TAFA5: variants seen among roughly 807,000 people sequenced by gnomAD.
TAFA5 encodes TAFA chemokine like family member 5, also known as chemokine-like protein TAFA-5.
Under a neutral mutation model 15.3 loss-of-function variants are expected in TAFA5, and 6 were observed. The observed-to-expected ratio is 0.39, with a 90% CI of 0.21 to 0.77. The LOEUF (loss-of-function observed/expected upper bound fraction) is 0.77. Ranked by LOEUF, TAFA5 falls within the 30% of genes least tolerant of loss-of-function variation. The pLI is 0.41. For missense variants in TAFA5, 161 were observed against 193.1 expected (o/e 0.83, Z 0.98); for synonymous variants, 103 against 80.7 (o/e 1.28, Z -1.48).
At chr22:48,747,756 G>A (rs532072476) in intron 3 of TAFA5, among the ~76,000 whole-genome samples, 1 of 152,122 alleles carries the variant, frequency 6.6e-6, no homozygotes, top group South Asian at 2.1e-4. Flanking sequence ...AATTAGCCCG[G>A]CATGGAGGCG....
intron 2 of TAFA5, among the ~76,000 whole-genome samples, chr22:48,701,637 C>A (rs903669733): frequency 1.3e-5 from 2 of 152,238 alleles, no homozygotes; most frequent in Non-Finnish European, 2.9e-5. Flanking sequence ...GTTGGACTTT[C>A]GGCAAATTGA....
chr22:48,508,901 G>A (rs1281975179), intron 1 of TAFA5, among the ~76,000 whole-genome samples: 1 of 152,118 alleles, frequency 6.6e-6, no homozygotes, highest in African/African-American at 2.4e-5. Context: ...TGTGCATAGA[G>A]TGCCACAGCT....
At chr22:48,562,913 G>A (rs1328759333) in intron 1 of TAFA5, among the ~76,000 whole-genome samples, 1 of 152,172 alleles carries the variant, frequency 6.6e-6, no homozygotes, top group Non-Finnish European at 1.5e-5. Context: ...CACAGCCCCG[G>A]GACCCCGGGA....
At chr22:48,652,107 C>T (rs1019934058) in intron 2 of TAFA5, among the ~76,000 whole-genome samples, 1 of 152,246 alleles carries the variant, frequency 6.6e-6, no homozygotes, top group African/African-American at 2.4e-5. Flanking sequence ...GGGCACAGCG[C>T]GTCATCTCCA....
chr22:48,582,172 G>A (rs959313865), intron 1 of TAFA5, among the ~76,000 whole-genome samples: 12 of 151,772 alleles, frequency 7.9e-5, no homozygotes, highest in Admixed American at 3.9e-4. Flanking sequence ...CACGCACTGC[G>A]GTGCCCCCCA....
intron 1 of TAFA5, among the ~76,000 whole-genome samples, chr22:48,624,847 C>T (rs929712783): frequency 6.6e-6 from 1 of 152,132 alleles, no homozygotes; most frequent in Admixed American, 6.5e-5. Flanking sequence ...CGCCTGTCAT[C>T]GCAGCACTTT....
At chr22:48,700,319 G>A (rs1310575012) in intron 2 of TAFA5, among the ~76,000 whole-genome samples, 1 of 152,162 alleles carries the variant, frequency 6.6e-6, no homozygotes, top group Non-Finnish European at 1.5e-5. Context: ...GAAGCTAGCA[G>A]GTGGGGTGGG....
chr22:48,699,914 C>T (rs949674987), intron 2 of TAFA5, among the ~76,000 whole-genome samples: 2 of 152,164 alleles, frequency 1.3e-5, no homozygotes, highest in South Asian at 2.1e-4. Flanking sequence ...GAGAGCAGCT[C>T]GCACACCCCA....
chr22:48,627,316 C>G (rs900262093), intron 1 of TAFA5, among the ~76,000 whole-genome samples: 1 of 152,264 alleles, frequency 6.6e-6, no homozygotes, highest in African/African-American at 2.4e-5. Context: ...GTCTCCGTCA[C>G]TGTCCCCGGA....
At chr22:48,508,379 G>A (rs537223690) in intron 1 of TAFA5, among the ~76,000 whole-genome samples, 15 of 152,326 alleles carry the variant, frequency 9.8e-5, no homozygotes, top group Admixed American at 3.3e-4. Context: ...CACAGCTCCC[G>A]GCTGTGCCTG....
chr22:48,622,508 CAG>C (rs1231839866), intron 1 of TAFA5, among the ~76,000 whole-genome samples: 1 of 152,136 alleles, frequency 6.6e-6, no homozygotes. Flanking sequence ...AGAAACTACT[CAG>C]GGGAGCTGGG....
chr22:48,717,535 G>A (rs955126779), intron 3 of TAFA5, among the ~76,000 whole-genome samples: 5 of 152,238 alleles, frequency 3.3e-5, no homozygotes, highest in Non-Finnish European at 7.3e-5. Flanking sequence ...GGGAAAAAAC[G>A]AAGATTTTTC....
chr22:48,686,210 G>A (rs958023443), intron 2 of TAFA5, among the ~76,000 whole-genome samples: 4 of 152,230 alleles, frequency 2.6e-5, no homozygotes, highest in Non-Finnish European at 4.4e-5. Context: ...CCCAGGAGGG[G>A]AAAGGAGACA....
chr22:48,737,880 G>A (rs891216160), intron 3 of TAFA5, among the ~76,000 whole-genome samples: 7 of 152,150 alleles, frequency 4.6e-5, no homozygotes, highest in Non-Finnish European at 7.4e-5. Context: ...GGGTTGAGCT[G>A]GACCGAGCGT....
At chr22:48,542,286 G>C (rs1261937302) in intron 1 of TAFA5, among the ~76,000 whole-genome samples, 1 of 115,804 alleles carries the variant, frequency 8.6e-6, no homozygotes, top group Non-Finnish European at 2.0e-5. Flanking sequence ...GGGGGTGTGT[G>C]TGCATGTGTG....
In TAFA5 at chr22:48,495,215, T is replaced by A. The variant is rs377489118; in HGVS notation, c.112+5511T>A. On this transcript the variant is annotated intron_variant, in intron 1 of 3. Coordinates refer to ENST00000402357, the MANE Select transcript of TAFA5 (RefSeq NM_001082967.3). ...TCGAAGGAGGCAGGAGTGGTGGAGC[T>A]GGCTGCAGGCTTGCGGGTGAAGCTG... 2.4e-4 allele frequency among the ~76,000 whole-genome samples: 36 copies of A among 152,320 alleles called. No homozygotes were observed. The East Asian group carries it at 4.5e-3, about 19-fold the overall frequency.
At chr22:48,642,820 T>G (rs890014918) in intron 1 of TAFA5, among the ~76,000 whole-genome samples, 5 of 151,910 alleles carry the variant, frequency 3.3e-5, no homozygotes, top group African/African-American at 1.2e-4. Flanking sequence ...TGCACGTGTG[T>G]GGTGTGTGTG....
In TAFA5 at chr22:48,750,547, G is replaced by A. The variant is rs1308811967; in HGVS notation, c.*700G>A. On this transcript the variant is annotated 3_prime_UTR_variant, in exon 4 of 4. Coordinates refer to ENST00000402357, the MANE Select transcript of TAFA5 (RefSeq NM_001082967.3). ...CCGTGGCACACCTGCGGGAGGCAGC[G>A]ACGGCCCCCACGCAGACGCCGGGAA... 2.6e-5 allele frequency: 4 copies of A among 152,498 alleles called. No homozygotes were observed. The highest frequency in any genetic ancestry group is 4.8e-5 in the African/African-American group (2 of 41,464). 9.4% of individuals were successfully genotyped at this position (152,498 alleles called of 1,614,324 possible).
intron 2 of TAFA5, among the ~76,000 whole-genome samples, chr22:48,696,831 G>A (rs1276308068): frequency 6.6e-6 from 1 of 152,244 alleles, no homozygotes; most frequent in Non-Finnish European, 1.5e-5. Flanking sequence ...GGCCTGGCCT[G>A]CATCATTCCA....
Sources: gnomAD v4.1 joint callset for allele counts (sites outside exome capture counted in the v4.1 genomes callset) on GRCh38, gnomAD v4.1.1 for gene constraint, MANE v1.5 for transcripts, NCBI Gene and HGNC (gene_info 2026-07-23, HGNC 2026-07-21) for gene names.